Variants in MARCHF10 observed in about 807,000 individuals in gnomAD.
MARCHF10 encodes probable E3 ubiquitin-protein ligase MARCHF10.
MARCHF10 carries 64 observed loss-of-function variants against 76.2 expected under a neutral mutation model. The ratio of observed to expected loss-of-function variants is 0.84; its 90% confidence interval spans 0.69 to 1.03. The LOEUF (loss-of-function observed/expected upper bound fraction) is 1.03. Among genes scored for constraint, MARCHF10 ranks in the 50% least tolerant of loss-of-function variants. MARCHF10 has a pLI of 0.00. For synonymous variants in MARCHF10, 340 were observed against 357.5 expected, an observed-to-expected ratio of 0.95 and a Z score of 0.55; for missense variants, 875 against 958.0, an observed-to-expected ratio of 0.91 and a Z score of 1.14.
chr17:62,806,131 G>C (rs1035992584), intron 1 of MARCHF10, among the ~76,000 whole-genome samples: 1 of 152,054 alleles, frequency 6.6e-6, no homozygotes, highest in Non-Finnish European at 1.5e-5. Flanking sequence ...AGAAGATGGT[G>C]GGTTACCTCA....
At chr17:62,774,899 C>T (rs144895472) in intron 3 of MARCHF10, among the ~76,000 whole-genome samples, 1 of 151,780 alleles carries the variant, frequency 6.6e-6, no homozygotes, top group African/African-American at 2.4e-5. Context: ...ACTAAAAATA[C>T]AAAAATTAGC....
In MARCHF10 at chr17:62,712,540, C is replaced by T. The variant is rs572383485; in HGVS notation, c.2215-1196G>A. ...ATATGCTCTTCCTTCTGAATCAGGG[C>T]CAACTCTGGATCTTGGTGACAGCCG... On this transcript the variant is annotated intron_variant, in intron 8 of 10. Transcript: ENST00000311269. This position sits in a 1 kb window ranked among gnomAD's most constrained non-coding sequence, Gnocchi z 4.2. 6.6e-6 allele frequency among the ~76,000 whole-genome samples: 1 copy of T among 152,298 alleles called. No homozygotes were observed. Among genetic ancestry groups the T allele is most frequent in the African/African-American group, 2.4e-5 (1 of 41,582 alleles).
At chr17:62,779,160 G>C (rs762829002) in intron 3 of MARCHF10, among the ~76,000 whole-genome samples, 5 of 152,140 alleles carry the variant, frequency 3.3e-5, no homozygotes, top group Non-Finnish European at 5.9e-5. Flanking sequence ...GGGCGGCTGT[G>C]AAGAACACCA....
intron 4 of MARCHF10, among the ~76,000 whole-genome samples, chr17:62,746,231 G>A (rs2091697716): frequency 6.6e-6 from 1 of 152,234 alleles, no homozygotes; most frequent in Non-Finnish European, 1.5e-5. Flanking sequence ...GGCCAAGACA[G>A]AGAGGATCAT....
chr17:62,730,683 CAGGAGTTCGAGA>C (rs2090987083), intron 6 of MARCHF10, among the ~76,000 whole-genome samples: 1 of 152,186 alleles, frequency 6.6e-6, no homozygotes, highest in Admixed American at 6.6e-5. Flanking sequence ...ATCACAAGGT[CAGGAGTTCGAGA>C]CCAGCCTGCC....
At chr17:62,769,652 G>T (rs2148004050) in intron 3 of MARCHF10, among the ~76,000 whole-genome samples, 1 of 152,248 alleles carries the variant, frequency 6.6e-6, no homozygotes, top group South Asian at 2.1e-4. Context: ...GAGCTCAAGT[G>T]ATCTCCCCAC....
chr17:62,746,481 G>GA (rs59416657), intron 4 of MARCHF10, among the ~76,000 whole-genome samples: 2 of 151,600 alleles, frequency 1.3e-5, no homozygotes, highest in Non-Finnish European at 2.9e-5. Context: ...GAGAGAGAGA[G>GA]GGATCAGGTG....
At chr17:62,763,857 G>A (rs1268733837) in intron 3 of MARCHF10, among the ~76,000 whole-genome samples, 4 of 152,120 alleles carry the variant, frequency 2.6e-5, no homozygotes, top group Non-Finnish European at 4.4e-5. Flanking sequence ...CTTGAGAATC[G>A]TCATTTTTGT....
At chr17:62,754,442 G>A (rs1283379084) in intron 4 of MARCHF10, among the ~76,000 whole-genome samples, 1 of 152,142 alleles carries the variant, frequency 6.6e-6, no homozygotes, top group African/African-American at 2.4e-5. Context: ...GGAGACATTA[G>A]CCCTGGAGTA....
intron 5 of MARCHF10, 82 bp from the exon 6 acceptor site, chr17:62,737,414 C>G: frequency 7.7e-7 from 1 of 1,295,776 alleles, no homozygotes; most frequent in Non-Finnish European, 1.1e-6. Context: ...GCAAAATTGC[C>G]CTTTAAATGC....
chr17:62,743,512 G>T (rs2091591737), intron 5 of MARCHF10, among the ~76,000 whole-genome samples: 1 of 152,148 alleles, frequency 6.6e-6, no homozygotes, highest in South Asian at 2.1e-4. Flanking sequence ...GCATGGTGGT[G>T]CGCGCCTGTG....
chr17:62,704,624 T>C (rs1318904011), intron 10 of MARCHF10, among the ~76,000 whole-genome samples: 3 of 152,246 alleles, frequency 2.0e-5, no homozygotes, highest in African/African-American at 7.2e-5. Flanking sequence ...CGCAGTCGGC[T>C]GTGTCAGGAT....
chr17:62,705,192 C>G, intron 10 of MARCHF10: 1 of 1,225,920 alleles, frequency 8.2e-7, no homozygotes, highest in African/African-American at 1.6e-5. Flanking sequence ...GGAATCCTGG[C>G]AGTAAAAAAA....
In MARCHF10 at chr17:62,787,614, T is replaced by A. The variant is rs115905852; in HGVS notation, c.210+866A>T. On this transcript the variant is annotated intron_variant, in intron 3 of 10. Coordinates refer to ENST00000311269, the MANE Select transcript of MARCHF10 (RefSeq NM_152598.4). ...AAATATGATCATAGAGCTTAGCAAT[T>A]CAGAGCACCTTCTCTGGGGTCAGAC... is the stretch of plus-strand genomic sequence containing the variant. 6.3e-3 allele frequency among the ~76,000 whole-genome samples: 956 copies of A among 152,268 alleles called. 20 individuals are homozygous for A. Among genetic ancestry groups the A allele is most frequent in the African/African-American group, 0.022 (909 of 41,560 alleles).
At chr17:62,769,546 A>G (rs7208140) in intron 3 of MARCHF10, among the ~76,000 whole-genome samples, 9,264 of 152,126 alleles carry the variant, frequency 0.061, 952 homozygotes, top group African/African-American at 0.21. Context: ...TCTGAGTAGC[A>G]GGTACTATAG....
In MARCHF10 at chr17:62,711,886, A is replaced by C. The variant is rs2089951461; in HGVS notation, c.2215-542T>G. ...ATCATTCCTTTGCTTCCCAGTCCCT[A>C]AGCATTCGTCTTGATCTTGCATATC... On this transcript the variant is annotated intron_variant, in intron 8 of 10. Transcript: ENST00000311269. This position sits in a 1 kb window ranked among gnomAD's most constrained non-coding sequence, Gnocchi z 4.4. 6.6e-6 allele frequency among the ~76,000 whole-genome samples: 1 copy of C among 152,148 alleles called. No homozygotes were observed. The highest frequency in any genetic ancestry group is 1.5e-5 in the Non-Finnish European group (1 of 68,028).
At chr17:62,799,196 T>A (rs2093033906) in intron 2 of MARCHF10, among the ~76,000 whole-genome samples, 3 of 152,224 alleles carry the variant, frequency 2.0e-5, no homozygotes, top group Admixed American at 2.0e-4. Context: ...CGCCTCTCCA[T>A]CTATCAGCAA....
intron 4 of MARCHF10, among the ~76,000 whole-genome samples, chr17:62,749,260 C>T (rs1298083522): frequency 6.6e-6 from 1 of 152,154 alleles, no homozygotes; most frequent in Non-Finnish European, 1.5e-5. Flanking sequence ...CAAGTGAGAA[C>T]CAAGTCCATT....
chr17:62,729,452 A>G (rs943285769), intron 6 of MARCHF10, among the ~76,000 whole-genome samples: 2 of 148,640 alleles, frequency 1.3e-5, no homozygotes, highest in African/African-American at 4.9e-5. Context: ...AAGAGAGATT[A>G]TATATATATT....
Sources: allele counts gnomAD v4.1 joint callset (sites outside exome capture counted in the v4.1 genomes callset), GRCh38; gene constraint gnomAD v4.1.1; non-coding constraint Gnocchi (gnomAD v3.1); transcripts MANE v1.5; gene names NCBI Gene and HGNC (gene_info 2026-07-23, HGNC 2026-07-21).